Variants in CNTNAP5 observed in about 807,000 individuals in gnomAD.
CNTNAP5 encodes contactin associated protein family member 5.
In CNTNAP5, 72 loss-of-function variants were observed where a neutral mutation model predicts 150.2. The ratio of observed to expected loss-of-function variants is 0.48; its 90% CI spans 0.40 to 0.58. The LOEUF is 0.58. Among genes scored for constraint, CNTNAP5 ranks in the 20% least tolerant of loss-of-function variants. The pLI, the probability that CNTNAP5 is intolerant of heterozygous loss-of-function variation, is 0.00. For synonymous variants in CNTNAP5, 672 were observed against 619.8 expected (o/e 1.08, Z -1.25); for missense variants, 1,636 against 1,626.2 (o/e 1.01, Z -0.10).
chr2:124,068,217 T>C (rs550604557), intron 1 of CNTNAP5, among the ~76,000 whole-genome samples: 28 of 152,264 alleles, frequency 1.8e-4, no homozygotes, highest in African/African-American at 6.5e-4. Context: ...CTTGAATCAT[T>C]GGCACTACCC....
At chr2:124,421,616 C>T (rs906490668) in intron 4 of CNTNAP5, among the ~76,000 whole-genome samples, 1 of 152,178 alleles carries the variant, frequency 6.6e-6, no homozygotes, top group Non-Finnish European at 1.5e-5. Context: ...ACACTCACCC[C>T]AAAACCATCT....
At chr2:124,194,979 T>C (rs1258527671) in intron 1 of CNTNAP5, among the ~76,000 whole-genome samples, 1 of 151,430 alleles carries the variant, frequency 6.6e-6, no homozygotes, top group Admixed American at 6.6e-5. Flanking sequence ...CCAAAAATCA[T>C]AACTAAATGG....
intron 23 of CNTNAP5, 145 bp downstream of exon 23, chr2:124,911,683 A>G (rs2602655): frequency 0.47 from 303,718 of 651,852 alleles, 73,837 homozygotes; most frequent in African/African-American, 0.55. Flanking sequence ...TTTCATGAGT[A>G]GTCCTGTGTG....
intron 1 of CNTNAP5, among the ~76,000 whole-genome samples, chr2:124,181,983 G>C (rs1265386280): frequency 6.6e-6 from 1 of 152,116 alleles, no homozygotes; most frequent in Non-Finnish European, 1.5e-5. Flanking sequence ...GGGACAGAGG[G>C]AATGTCATGA....
chr2:124,342,806 A>T (rs751599982), intron 3 of CNTNAP5, among the ~76,000 whole-genome samples: 3 of 152,054 alleles, frequency 2.0e-5, no homozygotes, highest in Non-Finnish European at 4.4e-5. Context: ...ACAAAATATA[A>T]AAAGAATCAG....
chr2:124,343,937 C>G (rs1004173429), intron 3 of CNTNAP5, among the ~76,000 whole-genome samples: 5 of 152,152 alleles, frequency 3.3e-5, no homozygotes, highest in African/African-American at 1.2e-4. Flanking sequence ...AGAGGCCAAA[C>G]CTGTGAGCAG....
In CNTNAP5 at chr2:124,042,698, T is replaced by C. The variant is rs533053866; in HGVS notation, c.82+16966T>C. Among the ~76,000 whole-genome samples, 5 of 152,342 alleles carry C rather than the reference T, an allele frequency of 3.3e-5. No homozygotes were observed. In the South Asian group the frequency reaches 1.0e-3, roughly 32 times the overall value. ...GCAGGGTGCATGTGCTATAATGCAATCACTGAAGTCTGTTTATAGTAAAGC... is the reference window on the plus strand; with the variant it reads ...GCAGGGTGCATGTGCTATAATGCAACCACTGAAGTCTGTTTATAGTAAAGC... On this transcript the variant is annotated intron_variant, in intron 1 of 23. Transcript: ENST00000682447.
At chr2:124,450,705 C>T (rs141431206) in intron 6 of CNTNAP5, among the ~76,000 whole-genome samples, 1 of 151,764 alleles carries the variant, frequency 6.6e-6, no homozygotes, top group African/African-American at 2.4e-5. Flanking sequence ...CAGCCTGGAG[C>T]AGAAGGGCTT....
rs145531623 is a variant in CNTNAP5 at position 124,674,530 on chromosome 2, T to C, written c.2077+26572T>C. On this transcript the variant is annotated intron_variant, in intron 13 of 23. Transcript: ENST00000682447. ...CTTTCTCTTTCTTTCTTTCTTTCTT[T>C]CTTTCTTTCTTTCTTTCTTTCTTCC... 9.7e-3 allele frequency among the ~76,000 whole-genome samples: 1,089 copies of C among 112,786 alleles called. 17 individuals are homozygous for C. Among genetic ancestry groups the C allele is most frequent in the African/African-American group, 0.038 (1,007 of 26,444 alleles). 74.0% of individuals were successfully genotyped at this position (112,786 alleles called of 152,430 possible).
At chr2:124,590,508 A>G (rs1211621653) in intron 11 of CNTNAP5, among the ~76,000 whole-genome samples, 1 of 152,194 alleles carries the variant, frequency 6.6e-6, no homozygotes, top group Non-Finnish European at 1.5e-5. Context: ...TTCTTCACTG[A>G]AATAAGGCCA....
At chr2:124,038,327 G>A (rs1681279087) in intron 1 of CNTNAP5, among the ~76,000 whole-genome samples, 1 of 152,132 alleles carries the variant, frequency 6.6e-6, no homozygotes, top group Non-Finnish European at 1.5e-5. Context: ...TGCTTGGCTT[G>A]GTTGTGAGGC....
At chr2:124,160,766 T>C (rs1321415059) in intron 1 of CNTNAP5, among the ~76,000 whole-genome samples, 2 of 152,202 alleles carry the variant, frequency 1.3e-5, no homozygotes, top group Non-Finnish European at 2.9e-5. Flanking sequence ...AAACCCTGTG[T>C]TAAATTTTAC....
At chr2:124,294,742 T>C (rs1688378634) in intron 3 of CNTNAP5, among the ~76,000 whole-genome samples, 1 of 152,236 alleles carries the variant, frequency 6.6e-6, no homozygotes, top group South Asian at 2.1e-4. Flanking sequence ...CAACAAAAAA[T>C]TCGCACTTTC....
chr2:124,590,812 A>C (rs1430176596), intron 11 of CNTNAP5, among the ~76,000 whole-genome samples: 1 of 152,202 alleles, frequency 6.6e-6, no homozygotes, highest in Non-Finnish European at 1.5e-5. Context: ...ATAGGAATAT[A>C]AATGGCAGTG....
chr2:124,837,643 G>T (rs1331295748), intron 19 of CNTNAP5, among the ~76,000 whole-genome samples: 3 of 151,960 alleles, frequency 2.0e-5, no homozygotes, highest in African/African-American at 7.2e-5. Flanking sequence ...AATTATCATC[G>T]AGCAAAAGTG....
intron 2 of CNTNAP5, among the ~76,000 whole-genome samples, chr2:124,237,350 G>A (rs1290691749): frequency 6.6e-6 from 1 of 152,094 alleles, no homozygotes; most frequent in Non-Finnish European, 1.5e-5. Context: ...TTTTGAGTTA[G>A]AAGTGGAAAT....
intron 7 of CNTNAP5, among the ~76,000 whole-genome samples, chr2:124,485,725 A>G (rs1464543206): frequency 6.6e-6 from 1 of 151,914 alleles, no homozygotes; most frequent in African/African-American, 2.4e-5. Flanking sequence ...GCAGAAGCTG[A>G]CGGCTGTGGG....
Position 124,404,081 on chromosome 2 carries a change from C to A in CNTNAP5, c.382-13362C>A, listed in dbSNP as rs193215583. Among the ~76,000 whole-genome samples the A allele has an allele frequency of 1.4e-4, 22 of 152,246 alleles. No individual in the cohort carries two copies. The East Asian group carries it at 3.9e-3, about 27-fold the overall frequency. ...GGTGGGGACACAGCCAAACCGTATC[C>A]GCAGGGATGTTAGGATTAGCACCCA... is the stretch of plus-strand genomic sequence containing the variant. On this transcript the variant is annotated intron_variant, in intron 3 of 23. Transcript: ENST00000682447.
chr2:124,397,587 A>T (rs1691285028), intron 3 of CNTNAP5, among the ~76,000 whole-genome samples: 1 of 152,246 alleles, frequency 6.6e-6, no homozygotes. Context: ...CTGCAAAGTC[A>T]TCTTTGGAGG....
Sources: gnomAD v4.1 joint callset for allele counts (sites outside exome capture counted in the v4.1 genomes callset) on GRCh38, gnomAD v4.1.1 for gene constraint, MANE v1.5 for transcripts, NCBI Gene and HGNC (gene_info 2026-07-23, HGNC 2026-07-21) for gene names.